Variants in DAB2IP observed in about 807,000 individuals in gnomAD.
The protein encoded by DAB2IP is DAB2 interacting protein.
DAB2IP carries 28 observed loss-of-function variants against 107.2 expected under a neutral mutation model. The observed-to-expected ratio is 0.26, with a 90% CI of 0.19 to 0.36. The LOEUF is 0.36. Ranked by LOEUF, DAB2IP falls within the 10% of genes least tolerant of loss-of-function variation. The probability of loss-of-function intolerance (pLI) is 1.00; values close to 1 mark genes in which losing one functional copy is unlikely to be tolerated. For synonymous variants in DAB2IP, 755 were observed against 706.4 expected (o/e 1.07, Z -1.09); for missense variants, 1,400 against 1,644.7 (o/e 0.85, Z 2.57).
At chr9:121,668,932 T>TTTG (rs869303901) in intron 1 of DAB2IP, among the ~76,000 whole-genome samples, 1 of 134,420 alleles carries the variant, frequency 7.4e-6, no homozygotes, top group Non-Finnish European at 1.6e-5. Flanking sequence ...TTTTTTTTTT[T>TTTG]GGAGACAGAG....
intron 1 of DAB2IP, among the ~76,000 whole-genome samples, chr9:121,613,083 C>A (rs1272910069): frequency 6.6e-6 from 1 of 152,222 alleles, no homozygotes; most frequent in Non-Finnish European, 1.5e-5. Context: ...GGAGAAGATG[C>A]AGGTTTGGGA....
rs535854057 is a variant in DAB2IP, at chr9:121,714,535, G to A, written c.362+15077G>A. Among the ~76,000 whole-genome samples, 13 of 152,342 alleles carry A rather than the reference G, an allele frequency of 8.5e-5. No homozygotes were observed. The East Asian group carries it at 2.5e-3, about 29-fold the overall frequency. The stretch of plus-strand genomic sequence containing the variant: ...CAAATATTATAGAGGCTGGACTCAG[G>A]AGTTACTGAGTGATGAAGTCAGGAG... On this transcript the variant is annotated intron_variant, in intron 3 of 15. Transcript: ENST00000408936.
At position 121,697,851 on chromosome 9, in the gene DAB2IP, G is replaced by A. The variant is rs1162276857; in HGVS notation, c.229-1474G>A. Among the ~76,000 whole-genome samples, 5 of 152,210 alleles carry A rather than the reference G, an allele frequency of 3.3e-5. No homozygotes were observed. In the East Asian group the frequency reaches 9.6e-4, roughly 29 times the overall value. On this transcript the variant is annotated intron_variant, in intron 2 of 15. Transcript: ENST00000408936. ...AGGAAAAGGCAGAAGGAGAAAGATA[G>A]GAAAAGGGAAATCTTGAAAGCTCTT...
At chr9:121,738,952 T>G (rs1654821811) in intron 3 of DAB2IP, among the ~76,000 whole-genome samples, 1 of 152,256 alleles carries the variant, frequency 6.6e-6, no homozygotes, top group Non-Finnish European at 1.5e-5. Context: ...GATTCTGCTT[T>G]GGGAAACATA....
intron 12 of DAB2IP, among the ~76,000 whole-genome samples, 179 bp from the exon 13 acceptor site, chr9:121,774,081 G>A (rs971783997): frequency 2.6e-5 from 4 of 152,190 alleles, no homozygotes; most frequent in African/African-American, 9.7e-5. Context: ...GCCTTTGGCT[G>A]CCGTCTGAGA....
At chr9:121,676,147 G>A (rs911798951) in intron 1 of DAB2IP, among the ~76,000 whole-genome samples, 10 of 152,220 alleles carry the variant, frequency 6.6e-5, no homozygotes, top group Non-Finnish European at 1.3e-4. Context: ...GGAGGTCAGC[G>A]GGCCTGAACC....
At chr9:121,685,671 C>T (rs571683532) in intron 2 of DAB2IP, among the ~76,000 whole-genome samples, 102 of 152,346 alleles carry the variant, frequency 6.7e-4, no homozygotes, top group Admixed American at 2.2e-3. Context: ...TTCTTTCTTT[C>T]GATAAATTTG....
At chr9:121,642,029 C>CTTTCTTTCTTTCTTTCTT (rs879760304) in intron 1 of DAB2IP, among the ~76,000 whole-genome samples, 55 of 26,588 alleles carry the variant, frequency 2.1e-3, no homozygotes, top group Non-Finnish European at 2.4e-3. Context: ...CTCTCTCTCT[C>CTTTCTTTCTTTCTTTCTT]TCTTTCTTTC....
intron 1 of DAB2IP, among the ~76,000 whole-genome samples, chr9:121,618,448 C>T (rs1351681874): frequency 6.6e-6 from 1 of 152,092 alleles, no homozygotes; most frequent in Non-Finnish European, 1.5e-5. Flanking sequence ...GCAACCTCAG[C>T]CTCCCAGGTT....
At chr9:121,582,724 G>A (rs1830227083) in intron 1 of DAB2IP, among the ~76,000 whole-genome samples, 1 of 152,190 alleles carries the variant, frequency 6.6e-6, no homozygotes, top group Non-Finnish European at 1.5e-5. Flanking sequence ...AGCCTCTACA[G>A]TTTCCATGAC....
At chr9:121,708,910 G>A (rs1167316188) in intron 3 of DAB2IP, among the ~76,000 whole-genome samples, 2 of 152,216 alleles carry the variant, frequency 1.3e-5, no homozygotes, top group Admixed American at 1.3e-4. Context: ...GGGGTGGGCT[G>A]CACTCCCAAC....
rs1043683892 is a variant in DAB2IP, at chr9:121,627,132, C to G, written c.41-51546C>G. 4.1e-4 allele frequency among the ~76,000 whole-genome samples: 22 copies of G among 53,278 alleles called. 1 individual carries two copies. In the East Asian group the frequency reaches 0.016, roughly 40 times the overall value. The allele number at this position is 53,278 out of a possible 152,430, so 35.0% of individuals were successfully genotyped here. On this transcript the variant is annotated intron_variant, in intron 1 of 16. Coordinates refer to the DAB2IP transcript ENST00000259371. Reference sequence around the variant, plus strand: ...TTCACCCCTACTCAACACACACACACACACACACTCACACACACACACACA... The same window carrying G: ...TTCACCCCTACTCAACACACACACAGACACACACTCACACACACACACACA...
At chr9:121,754,427 G>GCCTCCCTGGGC (rs1377017056) in intron 3 of DAB2IP, among the ~76,000 whole-genome samples, 1 of 152,202 alleles carries the variant, frequency 6.6e-6, no homozygotes, top group Non-Finnish European at 1.5e-5. Flanking sequence ...ACCACTTGGG[G>GCCTCCCTGGGC]CCTCCCTGGG....
chr9:121,746,079 T>G (rs1477487281), intron 3 of DAB2IP, among the ~76,000 whole-genome samples: 1 of 151,956 alleles, frequency 6.6e-6, no homozygotes, highest in Non-Finnish European at 1.5e-5. Context: ...AGAGCTCAGC[T>G]GTGGGGGGAG....
At chr9:121,692,277 G>T (rs578125719) in intron 2 of DAB2IP, among the ~76,000 whole-genome samples, 44 of 152,252 alleles carry the variant, frequency 2.9e-4, no homozygotes, top group African/African-American at 9.9e-4. Context: ...GTGTATGTGT[G>T]TATTCGTGTG....
At chr9:121,725,545 T>C (rs1348778046) in intron 3 of DAB2IP, among the ~76,000 whole-genome samples, 1 of 152,180 alleles carries the variant, frequency 6.6e-6, no homozygotes, top group East Asian at 1.9e-4. Flanking sequence ...TAGGGGACAG[T>C]CACGCCAATC....
intron 3 of DAB2IP, among the ~76,000 whole-genome samples, chr9:121,747,492 C>T (rs925242315): frequency 3.3e-5 from 5 of 152,098 alleles, no homozygotes; most frequent in Admixed American, 1.3e-4. Flanking sequence ...GGACTACAGG[C>T]GCCCGCCATC....
At chr9:121,610,494 G>T (rs531737915) in intron 1 of DAB2IP, among the ~76,000 whole-genome samples, 3 of 152,306 alleles carry the variant, frequency 2.0e-5, no homozygotes, top group African/African-American at 7.2e-5. Context: ...CAGCTGGGAA[G>T]GGCAGAGCCA....
chr9:121,761,036 T>C (rs1397783457), intron 6 of DAB2IP, among the ~76,000 whole-genome samples: 1 of 152,158 alleles, frequency 6.6e-6, no homozygotes, highest in Non-Finnish European at 1.5e-5. Context: ...AGGCAAGTCC[T>C]AGTTCAGGGC....
Sources: allele counts gnomAD v4.1 joint callset (sites outside exome capture counted in the v4.1 genomes callset), GRCh38; gene constraint gnomAD v4.1.1; transcripts MANE v1.5; gene names NCBI Gene and HGNC (gene_info 2026-07-23, HGNC 2026-07-21).